Variants in SPAG16 observed in about 807,000 individuals in gnomAD.
SPAG16 encodes sperm associated antigen 16.
In SPAG16, 86 loss-of-function variants were observed where a neutral mutation model predicts 80.4. The observed-to-expected ratio is 1.07, with a 90% CI of 0.90 to 1.28. The LOEUF (loss-of-function observed/expected upper bound fraction) is 1.28. Ranked by LOEUF, SPAG16 falls within the 50% of genes most tolerant of loss-of-function variation. SPAG16 has a pLI of 0.00. For missense variants in SPAG16, 870 were observed against 765.3 expected (o/e 1.14, Z -1.61); for synonymous variants, 294 against 265.9 (o/e 1.11, Z -1.03).
intron 10 of SPAG16, among the ~76,000 whole-genome samples, chr2:213,574,686 T>C (rs950801253): frequency 2.0e-5 from 3 of 148,196 alleles, no homozygotes; most frequent in African/African-American, 7.4e-5. Context: ...TGATATATGA[T>C]ATATATATGA....
At chr2:213,609,795 T>C (rs1186184729) in intron 10 of SPAG16, among the ~76,000 whole-genome samples, 1 of 152,188 alleles carries the variant, frequency 6.6e-6, no homozygotes, top group Non-Finnish European at 1.5e-5. Flanking sequence ...GATCTTTAAT[T>C]CAGCTTTTAA....
intron 10 of SPAG16, among the ~76,000 whole-genome samples, chr2:213,660,482 G>C (rs2063382776): frequency 1.3e-5 from 2 of 152,132 alleles, no homozygotes. Context: ...GTCAGGGCTT[G>C]CATGTCTGAC....
intron 6 of SPAG16, among the ~76,000 whole-genome samples, chr2:213,344,636 T>G (rs1340677483): frequency 2.0e-5 from 3 of 152,086 alleles, no homozygotes; most frequent in Non-Finnish European, 4.4e-5. Flanking sequence ...GGTGTTTGGT[T>G]TTTTGTCCTT....
intron 15 of SPAG16, among the ~76,000 whole-genome samples, chr2:214,363,953 T>C (rs73089216): frequency 0.016 from 2,439 of 152,190 alleles, 63 homozygotes; most frequent in African/African-American, 0.055. Context: ...TCTCATGGCC[T>C]CTCTCAACTC....
At chr2:214,202,141 C>A (rs1015586213) in intron 15 of SPAG16, among the ~76,000 whole-genome samples, 1 of 152,156 alleles carries the variant, frequency 6.6e-6, no homozygotes, top group Non-Finnish European at 1.5e-5. Context: ...CTACCATGCT[C>A]AGCCAAAAAT....
chr2:213,350,630 C>G lies in SPAG16; in HGVS notation c.747C>G (p.Asp249Glu). 6.3e-7 allele frequency: 1 copy of G among 1,588,970 alleles called. No homozygotes were observed. Among genetic ancestry groups the G allele is most frequent in the East Asian group, 2.3e-5 (1 of 44,240 alleles). Residue 249 changes from aspartate (D) to glutamate (E), a missense_variant, in exon 7 of 16, where the codon GAC (aspartate) becomes GAG (glutamate). Asp to Glu is a conservative substitution (Grantham distance 45). Transcript: ENST00000331683. ...KEKMLTSLERDKVVGQISGLQ... is the reference protein window; with the variant it reads ...KEKMLTSLEREKVVGQISGLQ... Reference sequence around the variant, plus strand: ...AAATGCTGACCTCCTTGGAAAGAGACAAAGTAGTTGGGCAGGTAAAGATAT... The same window carrying G: ...AAATGCTGACCTCCTTGGAAAGAGAGAAAGTAGTTGGGCAGGTAAAGATAT...
At position 213,307,810 on chromosome 2, in the gene SPAG16, A is replaced by G. The variant is rs561664008; in HGVS notation, c.280-2249A>G. On this transcript the variant is annotated intron_variant, in intron 3 of 15. Transcript: ENST00000331683. ...AGTTTACAGTCCCACCAACAGTGTA[A>G]AAGTGTTCCTATTTCTCCACATCCT... is the stretch of plus-strand genomic sequence containing the variant. Among the ~76,000 whole-genome samples the G allele has an allele frequency of 6.2e-4, 94 of 152,118 alleles. 2 individuals are homozygous for G. The East Asian group carries it at 0.018, about 29-fold the overall frequency.
chr2:214,186,151 G>A (rs1205784226), intron 15 of SPAG16, among the ~76,000 whole-genome samples: 1 of 152,128 alleles, frequency 6.6e-6, no homozygotes, highest in East Asian at 1.9e-4. Flanking sequence ...ATATTGTCAA[G>A]TATTAAAAGA....
chr2:214,018,742 C>T (rs954150297), intron 13 of SPAG16, among the ~76,000 whole-genome samples: 10 of 152,144 alleles, frequency 6.6e-5, no homozygotes, highest in African/African-American at 2.4e-4. Context: ...ACTATTGAGA[C>T]ACCCTCTGAA....
intron 12 of SPAG16, among the ~76,000 whole-genome samples, chr2:213,943,015 A>G (rs2079276197): frequency 1.3e-5 from 2 of 152,310 alleles, no homozygotes; most frequent in African/African-American, 4.8e-5. Flanking sequence ...ATGTGAAAAT[A>G]CAATGAGAAG....
chr2:213,764,520 T>A (rs1244024831), intron 10 of SPAG16, among the ~76,000 whole-genome samples: 3 of 152,178 alleles, frequency 2.0e-5, no homozygotes, highest in African/African-American at 7.2e-5. Flanking sequence ...TTCCACATAT[T>A]TTTTTTAAAC....
chr2:213,737,325 ATACTC>A (rs1040226988), intron 10 of SPAG16, among the ~76,000 whole-genome samples: 22 of 152,222 alleles, frequency 1.4e-4, no homozygotes, highest in Non-Finnish European at 2.8e-4. Context: ...ATAGCATACT[ATACTC>A]TTTATATTTT....
intron 10 of SPAG16, among the ~76,000 whole-genome samples, chr2:213,778,802 C>T (rs2069762656): frequency 6.6e-6 from 1 of 152,190 alleles, no homozygotes; most frequent in South Asian, 2.1e-4. Context: ...TTCTCTTATG[C>T]AACTGGAAAG....
chr2:213,608,628 A>G (rs917743728), intron 10 of SPAG16, among the ~76,000 whole-genome samples: 2 of 152,240 alleles, frequency 1.3e-5, no homozygotes, highest in African/African-American at 4.8e-5. Context: ...GTGCCACAAG[A>G]AACATTCGTG....
chr2:213,901,961 C>T (rs2077238397), intron 11 of SPAG16, among the ~76,000 whole-genome samples: 2 of 152,138 alleles, frequency 1.3e-5, no homozygotes, highest in Non-Finnish European at 1.5e-5. Flanking sequence ...GCTCTTGCCT[C>T]TGGAGCTATC....
At chr2:214,157,231 T>A (rs1442440973) in intron 15 of SPAG16, among the ~76,000 whole-genome samples, 4 of 152,094 alleles carry the variant, frequency 2.6e-5, no homozygotes, top group African/African-American at 9.7e-5. Context: ...AGCACATGAG[T>A]TGGGTTTCCT....
chr2:213,761,718 T>C, intron 10 of SPAG16, among the ~76,000 whole-genome samples: 1 of 151,470 alleles, frequency 6.6e-6, no homozygotes, highest in East Asian at 2.0e-4. Context: ...AACAAAAAAT[T>C]AGCTGGGCGT....
intron 10 of SPAG16, among the ~76,000 whole-genome samples, chr2:213,555,744 CA>C (rs1172610419): frequency 1.2e-4 from 19 of 152,018 alleles, no homozygotes; most frequent in African/African-American, 4.3e-4. Context: ...ATGAGTCACA[CA>C]AAAACCCTGA....
intron 10 of SPAG16, among the ~76,000 whole-genome samples, chr2:213,656,374 G>A (rs375709612): frequency 6.6e-4 from 100 of 152,318 alleles, no homozygotes; most frequent in African/African-American, 2.3e-3. Context: ...GTTTCACCGT[G>A]TTAGCCATGA....
Sources: allele counts gnomAD v4.1 joint callset (sites outside exome capture counted in the v4.1 genomes callset), GRCh38; gene constraint gnomAD v4.1.1; transcripts MANE v1.5; gene names NCBI Gene and HGNC (gene_info 2026-07-23, HGNC 2026-07-21).